ARHGAP8: variants seen among roughly 807,000 people sequenced by gnomAD.
The protein encoded by ARHGAP8 is Rho GTPase activating protein 8.
In ARHGAP8, 62 loss-of-function variants were observed where a neutral mutation model predicts 46.1. The observed-to-expected ratio is 1.34, with a 90% CI of 1.10 to 1.66. The LOEUF is 1.66. ARHGAP8 is among the 40% of genes most tolerant of loss of function. The probability of loss-of-function intolerance (pLI) is 0.00; values close to 1 mark genes in which losing one functional copy is unlikely to be tolerated. For missense variants in ARHGAP8, 923 were observed against 568.4 expected, an observed-to-expected ratio of 1.62 and a Z score of -6.34; for synonymous variants, 375 against 243.1, an observed-to-expected ratio of 1.54 and a Z score of -5.05.
At chr22:44,840,863 A>G (rs1931607518) in intron 7 of ARHGAP8, among the ~76,000 whole-genome samples, 1 of 151,856 alleles carries the variant, frequency 6.6e-6, no homozygotes, top group African/African-American at 2.4e-5. Context: ...TTAAAAGAGC[A>G]CTCTGTCTGC....
Position 44,818,895 on chromosome 22 carries a change from C to T in ARHGAP8, c.387-3476C>T, listed in dbSNP as rs145257271. On this transcript the variant is annotated intron_variant, in intron 5 of 11. Coordinates refer to ENST00000356099, the MANE Select transcript of ARHGAP8 (RefSeq NM_181335.3). ...ACAATTTTTTGTTGAGACAGGGTCT[C>T]GCTATGTTGCCCAGGCTGGACTGGA... Among the ~76,000 whole-genome samples the T allele has an allele frequency of 1.9e-3, 285 of 152,144 alleles. 2 individuals are homozygous for T. The highest frequency in any genetic ancestry group is 6.5e-3 in the African/African-American group (271 of 41,496).
chr22:44,817,167 G>T (rs1034649258), intron 5 of ARHGAP8, among the ~76,000 whole-genome samples: 1 of 152,196 alleles, frequency 6.6e-6, no homozygotes, highest in East Asian at 1.9e-4. Flanking sequence ...GATTACAGGC[G>T]TGAGCCACCA....
At chr22:44,858,919 C>T (rs55744143) in intron 10 of ARHGAP8, among the ~76,000 whole-genome samples, 9,234 of 150,820 alleles carry the variant, frequency 0.061, 355 homozygotes, top group Non-Finnish European at 0.089. Flanking sequence ...CTTTGTGGGC[C>T]TTGTAGTCTC....
intron 5 of ARHGAP8, among the ~76,000 whole-genome samples, chr22:44,817,619 C>T (rs1929843896): frequency 6.6e-6 from 1 of 152,138 alleles, no homozygotes; most frequent in African/African-American, 2.4e-5. Context: ...GCCTGCTCAA[C>T]ATGGCAAAAC....
intron 7 of ARHGAP8, among the ~76,000 whole-genome samples, chr22:44,835,080 T>C (rs1167139927): frequency 6.6e-6 from 1 of 152,120 alleles, no homozygotes; most frequent in Non-Finnish European, 1.5e-5. Context: ...ATTTAATCCA[T>C]TTACATTTAG....
Position 44,862,271 on chromosome 22 carries a change from C to G in ARHGAP8, c.982-4C>G, listed in dbSNP as rs779705027. On this transcript the variant is annotated splice_region_variant and splice_polypyrimidine_tract_variant and intron_variant, in intron 11 of 11. Coordinates refer to ENST00000356099, the MANE Select transcript of ARHGAP8 (RefSeq NM_181335.3). ...CCCCTTTACTTGTGTGTGGTTTCCT[C>G]CAGGTGTCCCGGGAGAGCATCTTCA... The G allele has an allele frequency of 3.2e-5, 51 of 1,584,660 alleles. No individual in the cohort carries two copies. The highest frequency in any genetic ancestry group is 1.6e-4 in the South Asian group (14 of 87,420).
chr22:44,829,035 G>A (rs1190239263), intron 7 of ARHGAP8, among the ~76,000 whole-genome samples: 2 of 150,798 alleles, frequency 1.3e-5, no homozygotes, highest in African/African-American at 2.4e-5. Context: ...CACTTTGGGA[G>A]GCTGAGGTGG....
At chr22:44,790,315 G>A (rs1228893925) in intron 2 of ARHGAP8, among the ~76,000 whole-genome samples, 1 of 152,022 alleles carries the variant, frequency 6.6e-6, no homozygotes, top group East Asian at 1.9e-4. Flanking sequence ...CAAAAACTGG[G>A]GGTGAGGGTT....
intron 5 of ARHGAP8, among the ~76,000 whole-genome samples, chr22:44,821,429 G>GGGA (rs136660): frequency 6.7e-6 from 1 of 149,850 alleles, no homozygotes; most frequent in East Asian, 2.0e-4. Flanking sequence ...ACTCCATCTC[G>GGGA]AAAAAAAAAA....
chr22:44,860,977 C>T (rs893595854), intron 11 of ARHGAP8, among the ~76,000 whole-genome samples: 2 of 145,162 alleles, frequency 1.4e-5, no homozygotes, highest in African/African-American at 2.5e-5. Context: ...CATAATTTCT[C>T]AGAGGCCCAA....
intron 1 of ARHGAP8, among the ~76,000 whole-genome samples, chr22:44,765,654 GGGTGGCAGGGA>G (rs1925498847): frequency 6.6e-6 from 1 of 152,152 alleles, no homozygotes; most frequent in Non-Finnish European, 1.5e-5. Flanking sequence ...TGGCATGACA[GGGTGGCAGGGA>G]GTCCCCCCGG....
chr22:44,823,665 G>A (rs1930311845), intron 6 of ARHGAP8, among the ~76,000 whole-genome samples: 1 of 152,166 alleles, frequency 6.6e-6, no homozygotes. Context: ...CCATGGAGAC[G>A]GCTCAGAAGA....
At chr22:44,857,991 C>T (rs575510978) in intron 10 of ARHGAP8, among the ~76,000 whole-genome samples, 2 of 152,230 alleles carry the variant, frequency 1.3e-5, no homozygotes, top group East Asian at 3.9e-4. Flanking sequence ...GACCATAATT[C>T]GTAGATAAGG....
chr22:44,789,650 C>T (rs1927519949), intron 2 of ARHGAP8, among the ~76,000 whole-genome samples: 1 of 151,980 alleles, frequency 6.6e-6, no homozygotes, highest in African/African-American at 2.4e-5. Context: ...AGGCACAGGC[C>T]ACCACGCCTG....
rs2070032110 is a variant in ARHGAP8, at chr22:44,849,061, G to T, written c.877+1G>T. 2 of 1,613,674 alleles carry T rather than the reference G, an allele frequency of 1.2e-6. No homozygotes were observed. The highest frequency in any genetic ancestry group is 1.7e-6 in the Non-Finnish European group (2 of 1,179,952). On this transcript the variant is annotated splice_donor_variant, in intron 10 of 11. Transcript: ENST00000356099. LOFTEE classifies it high-confidence loss of function. ...TACGAGCAGATTCTCGGGATCACCT[G>T]TGCGTAGCTGCCCTGGCGCAGGGGT...
At chr22:44,858,779 GT>G (rs1261085207) in intron 10 of ARHGAP8, among the ~76,000 whole-genome samples, 7 of 148,616 alleles carry the variant, frequency 4.7e-5, no homozygotes, top group African/African-American at 1.8e-4. Context: ...CCCCTGGAGG[GT>G]GGGACACTGC....
At chr22:44,807,290 C>T (rs899878000) in intron 3 of ARHGAP8, among the ~76,000 whole-genome samples, 4 of 152,194 alleles carry the variant, frequency 2.6e-5, no homozygotes, top group African/African-American at 9.7e-5. Context: ...CTTCCTTCTG[C>T]AGATGGCAGG....
intron 5 of ARHGAP8, among the ~76,000 whole-genome samples, chr22:44,821,227 C>T (rs1042257148): frequency 3.3e-5 from 5 of 152,128 alleles, no homozygotes; most frequent in Middle Eastern, 3.4e-3. Flanking sequence ...GTCAGGAGAT[C>T]GAGACCATCC....
chr22:44,836,076 G>A (rs578108704), intron 7 of ARHGAP8, among the ~76,000 whole-genome samples: 63 of 152,246 alleles, frequency 4.1e-4, no homozygotes, highest in African/African-American at 1.4e-3. Context: ...AGGATACCAA[G>A]CAGTTTCTCA....
Sources: allele counts gnomAD v4.1 joint callset (sites outside exome capture counted in the v4.1 genomes callset), GRCh38; gene constraint gnomAD v4.1.1; transcripts MANE v1.5; gene names NCBI Gene and HGNC (gene_info 2026-07-23, HGNC 2026-07-21).